FGFR2: variants seen among roughly 807,000 people sequenced by gnomAD.
The protein encoded by FGFR2 is BEK fibroblast growth factor receptor.
A neutral mutation model predicts 95.9 loss-of-function variants in FGFR2; 19 were observed. The observed-to-expected ratio is 0.20, with a 90% CI of 0.14 to 0.29. The LOEUF (loss-of-function observed/expected upper bound fraction) is 0.29. Ranked by LOEUF, FGFR2 falls within the 10% of genes least tolerant of loss-of-function variation. The pLI is 1.00. For missense variants in FGFR2, 707 were observed against 1,056.9 expected (o/e 0.67, Z 4.59); for synonymous variants, 392 against 393.3 (o/e 1.00, Z 0.04).
intron 6 of FGFR2, among the ~76,000 whole-genome samples, chr10:121,525,624 GGAGAGA>G (rs3035990): frequency 1.2e-4 from 18 of 149,078 alleles, no homozygotes; most frequent in East Asian, 6.0e-4. Flanking sequence ...CATTATTGAG[GGAGAGA>G]GAGAGAGAGA....
chr10:121,502,322 C>T (rs1433129258), intron 10 of FGFR2, among the ~76,000 whole-genome samples: 2 of 152,224 alleles, frequency 1.3e-5, no homozygotes, highest in East Asian at 3.8e-4. Context: ...TGTGTTTTCT[C>T]TGGTGCCCCA....
intron 5 of FGFR2, among the ~76,000 whole-genome samples, chr10:121,547,202 C>T (rs960409283): frequency 5.3e-5 from 8 of 152,042 alleles, no homozygotes; most frequent in Non-Finnish European, 1.0e-4. Flanking sequence ...CCAGCCTGGG[C>T]AACAAGAGCA....
chr10:121,556,533 CCAA>C (rs1856186768), intron 4 of FGFR2, among the ~76,000 whole-genome samples: 1 of 151,796 alleles, frequency 6.6e-6, no homozygotes, highest in Non-Finnish European at 1.5e-5. Flanking sequence ...ACCATCTGGC[CCAA>C]CGACTGATGA....
intron 4 of FGFR2, among the ~76,000 whole-genome samples, chr10:121,553,624 T>C (rs1486493936): frequency 2.0e-5 from 3 of 152,232 alleles, no homozygotes; most frequent in Non-Finnish European, 4.4e-5. Context: ...TCTGCACTCA[T>C]GTCATTTGTT....
chr10:121,532,258 A>C (rs1012896362), intron 6 of FGFR2, among the ~76,000 whole-genome samples: 1 of 152,200 alleles, frequency 6.6e-6, no homozygotes, highest in Non-Finnish European at 1.5e-5. Flanking sequence ...AACAGGTACA[A>C]GCATGACAAC....
At chr10:121,480,150 C>T (rs1200842453) in intron 17 of FGFR2, 129 bp from the exon 18 acceptor site, 1 of 1,038,130 alleles carries the variant, frequency 9.6e-7, no homozygotes, top group South Asian at 1.3e-5. Flanking sequence ...ATTTCAAACA[C>T]AAACTCTTGA....
intron 5 of FGFR2, among the ~76,000 whole-genome samples, chr10:121,543,625 C>T (rs1291039606): frequency 6.6e-6 from 1 of 152,238 alleles, no homozygotes; most frequent in East Asian, 1.9e-4. Flanking sequence ...TTTGTGCCAA[C>T]TAACCTTGCA....
rs986661023 is a variant in FGFR2 at position 121,565,646 on chromosome 10, C to T, written c.168G>A (p.Glu56=). The T allele has an allele frequency of 3.7e-6, 6 of 1,614,116 alleles. No homozygotes were observed. Among genetic ancestry groups the T allele is most frequent in the Non-Finnish European group, 3.4e-6 (4 of 1,180,040 alleles). ...TCAACAGGCAGCGCACCTCTAGCGA[C>T]TCCCCTGGCGCAGCCACGTACACTT... The part of the protein sequence containing the change: ...QPEVYVAAPG[E]SLEVRCLLKD... Residue 56 remains glutamate (E), a synonymous_variant, in exon 3 of 18, where the codon GAG becomes GAA. Coordinates refer to ENST00000358487, the MANE Select transcript of FGFR2 (RefSeq NM_000141.5).
rs1463144283 is a variant in FGFR2 at position 121,479,607 on chromosome 10, G to A, written c.*250C>T. The A allele has an allele frequency of 4.1e-5, 63 of 1,551,592 alleles. No individual in the cohort carries two copies. Among genetic ancestry groups the A allele is most frequent in the Non-Finnish European group, 5.5e-5 (63 of 1,146,980 alleles). ...TACTGGTCCACAGCCAGTACGCACGGCAGGTGAGAGGGGTTACATGGTGGC... is the reference window on the plus strand; with the variant it reads ...TACTGGTCCACAGCCAGTACGCACGACAGGTGAGAGGGGTTACATGGTGGC... On this transcript the variant is annotated 3_prime_UTR_variant, in exon 18 of 18. Transcript: ENST00000358487.
Position 121,552,913 on chromosome 10 carries a change from C to T in FGFR2, c.455-1454G>A, listed in dbSNP as rs1165496218. ...AGTTCACAAACCCAAGGCAAAATGG[C>T]CCTAGGCAGGGGCTTTGTCTCTGAT... On this transcript the variant is annotated intron_variant, in intron 4 of 17. Transcript: ENST00000358487. Among the ~76,000 whole-genome samples, 4 of 152,118 alleles carry T rather than the reference C, an allele frequency of 2.6e-5. No homozygotes were observed. The South Asian group carries it at 6.2e-4, about 24-fold the overall frequency.
intron 6 of FGFR2, among the ~76,000 whole-genome samples, chr10:121,529,703 A>G (rs1235987020): frequency 1.3e-5 from 2 of 152,150 alleles, no homozygotes; most frequent in African/African-American, 4.8e-5. Flanking sequence ...AGAAAGAGAG[A>G]AAAAGTTGGA....
chr10:121,517,137 G>A lies in FGFR2; in HGVS notation c.1084+182C>T. On this transcript the variant is annotated intron_variant, in intron 8 of 17. Coordinates refer to ENST00000358487, the MANE Select transcript of FGFR2 (RefSeq NM_000141.5). This position sits in a 1 kb window ranked among gnomAD's most constrained non-coding sequence, Gnocchi z 4.7. The stretch of plus-strand genomic sequence containing the variant: ...TTCCCTTGATCATAAATGTGAGTGT[G>A]GGATCTCACTGTGTGTGAATTTCCA... 1 of 692,138 alleles carries A rather than the reference G, an allele frequency of 1.4e-6. No homozygotes were observed. Among genetic ancestry groups the A allele is most frequent in the Non-Finnish European group, 2.5e-6 (1 of 394,830 alleles). 42.9% of individuals were successfully genotyped at this position (692,138 alleles called of 1,614,324 possible). A position where few individuals can be genotyped will look rare whatever the true frequency, so the allele number is the denominator to read the frequency against.
intron 5 of FGFR2, among the ~76,000 whole-genome samples, chr10:121,545,242 T>G (rs1030902317): frequency 6.6e-6 from 1 of 152,238 alleles, no homozygotes; most frequent in Non-Finnish European, 1.5e-5. Flanking sequence ...GGCTAGATCT[T>G]TGCATGCTTT....
chr10:121,569,440 T>C (rs1858240555), intron 2 of FGFR2, among the ~76,000 whole-genome samples: 5 of 152,176 alleles, frequency 3.3e-5, no homozygotes, highest in Admixed American at 3.3e-4. Flanking sequence ...CATGCTGGTC[T>C]TGAACTCCTG....
intron 5 of FGFR2, among the ~76,000 whole-genome samples, chr10:121,547,570 A>AT (rs1307373419): frequency 1.3e-5 from 2 of 151,586 alleles, no homozygotes; most frequent in Non-Finnish European, 2.9e-5. Flanking sequence ...AATGGTTTAA[A>AT]TTTTTTGCAG....
At chr10:121,500,770 T>C (rs2134003284) in intron 11 of FGFR2, 56 bp downstream of exon 11, 4 of 1,607,318 alleles carry the variant, frequency 2.5e-6, no homozygotes, top group Non-Finnish European at 3.4e-6. Context: ...AAAAGGAACT[T>C]TCTTGATAAG....
At position 121,503,855 on chromosome 10, in the gene FGFR2, G is replaced by A. The variant is rs2134058440; in HGVS notation, c.1374C>T (p.Pro458=). The A allele has an allele frequency of 6.2e-7, 1 of 1,614,138 alleles. No individual in the cohort carries two copies. Residue 458 remains proline (P), a synonymous_variant, in exon 10 of 18, where the codon CCC becomes CCT. Coordinates refer to ENST00000358487, the MANE Select transcript of FGFR2 (RefSeq NM_000141.5). ...TTRLSSTADT[P]MLAGVSEYEL... ...CATACTCGGAGACCCCTGCCAGCAT[G>A]GGGGTGTCTGCCGTTGAAGAGAGGC...
chr10:121,573,125 T>C (rs184314370), intron 2 of FGFR2, among the ~76,000 whole-genome samples: 541 of 152,328 alleles, frequency 3.6e-3, no homozygotes, highest in Middle Eastern at 0.02. Flanking sequence ...CTTCAGACTG[T>C]CACTTTTTAT....
intron 9 of FGFR2, among the ~76,000 whole-genome samples, chr10:121,510,694 ATCTTGG>A (rs1021685662): frequency 6.6e-6 from 1 of 152,006 alleles, no homozygotes; most frequent in African/African-American, 2.4e-5. Context: ...CTCCCCCTTC[ATCTTGG>A]TCCTATTCCT....
Sources: allele counts gnomAD v4.1 joint callset (sites outside exome capture counted in the v4.1 genomes callset), GRCh38; gene constraint gnomAD v4.1.1; non-coding constraint Gnocchi (gnomAD v3.1); transcripts MANE v1.5; gene names NCBI Gene and HGNC (gene_info 2026-07-23, HGNC 2026-07-21).